ARHGEF3: variants seen among roughly 807,000 people sequenced by gnomAD.
The protein encoded by ARHGEF3 is 59.8 kDA protein.
A neutral mutation model predicts 63.2 loss-of-function variants in ARHGEF3; 28 were observed. The observed-to-expected ratio is 0.44, with a 90% confidence interval of 0.33 to 0.61. The LOEUF (loss-of-function observed/expected upper bound fraction) is 0.61. ARHGEF3 is among the 20% of genes least tolerant of loss of function. The pLI, the probability that ARHGEF3 is intolerant of heterozygous loss-of-function variation, is 0.03. For missense variants in ARHGEF3, 533 were observed against 659.3 expected, an observed-to-expected ratio of 0.81 and a Z score of 2.10; for synonymous variants, 266 against 254.2, an observed-to-expected ratio of 1.05 and a Z score of -0.44.
intron 6 of ARHGEF3, among the ~76,000 whole-genome samples, chr3:56,745,976 G>A (rs1417094480): frequency 2.0e-5 from 3 of 152,158 alleles, no homozygotes; most frequent in South Asian, 2.1e-4. Flanking sequence ...ACTATGTAAC[G>A]AACAATTTAA....
chr3:56,946,678 A>T (rs561460819), intron 3 of ARHGEF3, among the ~76,000 whole-genome samples: 2 of 152,222 alleles, frequency 1.3e-5, no homozygotes, highest in Non-Finnish European at 2.9e-5. Flanking sequence ...GATGGGGAGA[A>T]TGGAACCAAG....
intron 4 of ARHGEF3, among the ~76,000 whole-genome samples, chr3:56,827,867 C>T (rs755893890): frequency 3.0e-5 from 4 of 132,618 alleles, no homozygotes; most frequent in South Asian, 2.5e-4. Flanking sequence ...TCACCTGAGC[C>T]TGGGGAGGTC....
intron 3 of ARHGEF3, chr3:56,916,299 G>C (rs945466155): frequency 1.3e-6 from 2 of 1,534,820 alleles, no homozygotes; most frequent in Non-Finnish European, 1.7e-6. Context: ...CTCAGCAGCA[G>C]GGGGCTTACC....
At chr3:56,954,361 G>T (rs1027177930) in intron 3 of ARHGEF3, among the ~76,000 whole-genome samples, 1 of 152,154 alleles carries the variant, frequency 6.6e-6, no homozygotes, top group African/African-American at 2.4e-5. Context: ...TCACAAGGAA[G>T]GGTGGAAATT....
chr3:56,818,394 T>A (rs1344088100), intron 4 of ARHGEF3, among the ~76,000 whole-genome samples: 1 of 152,192 alleles, frequency 6.6e-6, no homozygotes, highest in Non-Finnish European at 1.5e-5. Flanking sequence ...GGTAAGCTTA[T>A]TTGAGGTGCT....
intron 2 of ARHGEF3, among the ~76,000 whole-genome samples, chr3:57,027,400 G>T (rs1703520252): frequency 6.6e-6 from 1 of 152,188 alleles, no homozygotes; most frequent in Non-Finnish European, 1.5e-5. Flanking sequence ...TGGACTGCCT[G>T]GGATGAAGCC....
chr3:56,951,568 A>G (rs1699813991), intron 3 of ARHGEF3, among the ~76,000 whole-genome samples: 1 of 152,012 alleles, frequency 6.6e-6, no homozygotes, highest in African/African-American at 2.4e-5. Context: ...GTGGTCTGGA[A>G]CTGAACCAGC....
At chr3:56,853,695 A>T (rs1023945418) in intron 4 of ARHGEF3, among the ~76,000 whole-genome samples, 1 of 152,278 alleles carries the variant, frequency 6.6e-6, no homozygotes, top group East Asian at 1.9e-4. Context: ...AATGCTTTAA[A>T]ATTTATAACA....
chr3:57,074,379 T>A, intron 1 of ARHGEF3: 1 of 886,446 alleles, frequency 1.1e-6, no homozygotes, highest in Non-Finnish European at 1.8e-6. Flanking sequence ...CTCGTAGCCA[T>A]CCCTTTCTGC....
Position 57,072,443 on chromosome 3 carries a change from TA to T in ARHGEF3, c.-28+6782del, listed in dbSNP as rs35145725. 3.4e-3 allele frequency among the ~76,000 whole-genome samples: 486 copies of T among 144,694 alleles called. 2 individuals carry two copies. Among genetic ancestry groups the T allele is most frequent in the African/African-American group, 0.011 (418 of 38,964 alleles). 94.9% of individuals were successfully genotyped at this position (144,694 alleles called of 152,430 possible). A position where few individuals can be genotyped will look rare whatever the true frequency, so the allele number is the denominator to read the frequency against. On this transcript the variant is annotated intron_variant, in intron 1 of 12. Transcript: ENST00000338458. The stretch of plus-strand genomic sequence containing the variant: ...GCACTGTCCAGGCCAAATAAAGAAT[TA>T]AAAAAAAAAAAATAGGCCAGGTGCG...
rs547225035 is a variant in ARHGEF3, at chr3:56,995,336, C to T, written c.63-36447G>A. Among the ~76,000 whole-genome samples, 16 of 152,044 alleles carry T rather than the reference C, an allele frequency of 1.1e-4. 1 individual carries two copies. The highest frequency in any genetic ancestry group is 5.8e-4 in the East Asian group (3 of 5,188). Reference sequence around the variant, plus strand: ...TTTGACAACTGTCCTTTACCAAGCTCGTCCTCTGATGACTCTGATTTGTTG... The same window carrying T: ...TTTGACAACTGTCCTTTACCAAGCTTGTCCTCTGATGACTCTGATTTGTTG... On this transcript the variant is annotated intron_variant, in intron 2 of 12. Transcript: ENST00000338458.
chr3:57,068,166 CAT>C (rs1379447230), intron 1 of ARHGEF3, among the ~76,000 whole-genome samples: 1 of 53,526 alleles, frequency 1.9e-5, no homozygotes, highest in African/African-American at 6.7e-5. Flanking sequence ...CGCACACACA[CAT>C]ACACACACAC....
chr3:56,920,806 A>G (rs946594924), intron 3 of ARHGEF3, among the ~76,000 whole-genome samples: 33 of 152,310 alleles, frequency 2.2e-4, no homozygotes, highest in Non-Finnish European at 3.8e-4. Context: ...TAATCCCAGC[A>G]CTTTGGGAGG....
intron 3 of ARHGEF3, among the ~76,000 whole-genome samples, chr3:56,942,626 C>T (rs143127285): frequency 6.6e-6 from 1 of 152,278 alleles, no homozygotes; most frequent in Non-Finnish European, 1.5e-5. Context: ...AGTTGCCTAT[C>T]TCTCACTTTA....
At chr3:57,009,000 G>A (rs985574586) in intron 2 of ARHGEF3, among the ~76,000 whole-genome samples, 1 of 152,172 alleles carries the variant, frequency 6.6e-6, no homozygotes, top group South Asian at 2.1e-4. Flanking sequence ...TGGGAAATTG[G>A]CAGATCTGGC....
chr3:56,992,375 TAA>T (rs57740672), intron 2 of ARHGEF3, among the ~76,000 whole-genome samples: 477 of 46,002 alleles, frequency 0.01, 1 homozygote, highest in Middle Eastern at 0.023. Context: ...AGGATGGCTT[TAA>T]AAAAAAAAAA....
intron 2 of ARHGEF3, among the ~76,000 whole-genome samples, chr3:56,998,119 C>T (rs1702060926): frequency 6.6e-6 from 1 of 152,176 alleles, no homozygotes. Context: ...TGCTCGCTTC[C>T]CAGTGCCAAA....
chr3:57,041,438 T>C (rs1184464812), intron 1 of ARHGEF3, among the ~76,000 whole-genome samples: 2 of 152,222 alleles, frequency 1.3e-5, no homozygotes, highest in Non-Finnish European at 2.9e-5. Flanking sequence ...CCAGAGCCCA[T>C]GCTCTTAAGC....
intron 3 of ARHGEF3, among the ~76,000 whole-genome samples, chr3:56,918,750 A>G (rs1297392626): frequency 1.3e-5 from 2 of 152,196 alleles, no homozygotes; most frequent in African/African-American, 4.8e-5. Flanking sequence ...GAGCTTTATA[A>G]TGGGATATCA....
Sources: gnomAD v4.1 joint callset for allele counts (sites outside exome capture counted in the v4.1 genomes callset) on GRCh38, gnomAD v4.1.1 for gene constraint, MANE v1.5 for transcripts, NCBI Gene and HGNC (gene_info 2026-07-23, HGNC 2026-07-21) for gene names.